The following GRID1 variants were observed in gnomAD, a reference collection of about 807,000 sequenced individuals.
GRID1 encodes the protein glutamate receptor ionotropic, delta-1.
In GRID1, 28 loss-of-function variants were observed where a neutral mutation model predicts 98.0. That is an observed-to-expected ratio of 0.29 (90% CI 0.21 to 0.39). GRID1 has a LOEUF of 0.39. Among genes scored for constraint, GRID1 ranks in the 10% least tolerant of loss-of-function variants. The pLI, the probability that GRID1 is intolerant of heterozygous loss-of-function variation, is 1.00. For missense variants in GRID1, 1,111 were observed against 1,340.5 expected (o/e 0.83, Z 2.67); for synonymous variants, 553 against 538.5 (o/e 1.03, Z -0.37).
intron 3 of GRID1, among the ~76,000 whole-genome samples, chr10:86,181,607 T>C (rs1845656571): frequency 6.6e-6 from 1 of 152,128 alleles, no homozygotes; most frequent in Admixed American, 6.5e-5. Flanking sequence ...TTCCTTGAAG[T>C]ATAGACACTT....
chr10:85,792,902 G>A (rs1382445574), intron 8 of GRID1, among the ~76,000 whole-genome samples: 8 of 152,188 alleles, frequency 5.3e-5, no homozygotes. Context: ...GCACTTGCCT[G>A]TCACAATGAT....
At chr10:85,957,807 G>A (rs547288622) in intron 4 of GRID1, among the ~76,000 whole-genome samples, 1 of 152,302 alleles carries the variant, frequency 6.6e-6, no homozygotes, top group South Asian at 2.1e-4. Flanking sequence ...GGAGAGGAGA[G>A]GTTAATGGAA....
intron 4 of GRID1, among the ~76,000 whole-genome samples, chr10:86,012,178 A>G (rs1020939245): frequency 6.6e-6 from 1 of 152,166 alleles, no homozygotes; most frequent in Non-Finnish European, 1.5e-5. Context: ...CTATAACCAC[A>G]TTCCCAAAAG....
intron 4 of GRID1, among the ~76,000 whole-genome samples, chr10:86,128,085 C>T (rs1007445621): frequency 1.3e-5 from 2 of 152,122 alleles, no homozygotes; most frequent in Admixed American, 6.5e-5. Flanking sequence ...AGGACAATGC[C>T]CCTTCCTCTG....
intron 4 of GRID1, among the ~76,000 whole-genome samples, chr10:85,999,119 C>T (rs779675893): frequency 1.3e-5 from 2 of 150,538 alleles, no homozygotes; most frequent in African/African-American, 4.9e-5. Context: ...GGCTGAGGCA[C>T]GAGAATCAGT....
chr10:85,967,425 A>T (rs2057817997), intron 4 of GRID1, among the ~76,000 whole-genome samples: 1 of 152,216 alleles, frequency 6.6e-6, no homozygotes, highest in Non-Finnish European at 1.5e-5. Context: ...CATATTATCT[A>T]AAGTGTTCAG....
intron 2 of GRID1, among the ~76,000 whole-genome samples, chr10:86,284,478 G>A (rs753783459): frequency 2.0e-5 from 3 of 152,222 alleles, no homozygotes; most frequent in Non-Finnish European, 4.4e-5. Flanking sequence ...AACAAAACCA[G>A]AGCACCAGCT....
chr10:86,243,501 C>A (rs2132043544), intron 2 of GRID1, among the ~76,000 whole-genome samples: 1 of 152,270 alleles, frequency 6.6e-6, no homozygotes, highest in Non-Finnish European at 1.5e-5. Context: ...ACCCTGTGAG[C>A]TAGACAACCC....
chr10:85,747,562 G>T (rs1415762042), intron 8 of GRID1, among the ~76,000 whole-genome samples: 2 of 152,082 alleles, frequency 1.3e-5, no homozygotes, highest in Non-Finnish European at 2.9e-5. Flanking sequence ...TACTATAGAG[G>T]TTTCTCCAAC....
intron 3 of GRID1, among the ~76,000 whole-genome samples, chr10:86,154,245 T>C (rs915389248): frequency 1.3e-5 from 2 of 152,184 alleles, no homozygotes; most frequent in African/African-American, 2.4e-5. Flanking sequence ...CCCCCATTTA[T>C]GGCTTATGAA....
rs148112222 is a variant in GRID1, at chr10:85,602,612, C to A, written c.2691G>T (p.Ser897=). 1.2e-6 allele frequency: 2 copies of A among 1,613,870 alleles called. No homozygotes were observed. The highest frequency in any genetic ancestry group is 4.5e-5 in the East Asian group (2 of 44,864). ...DIAHKQISPA[S]IELSALEMGG... is the part of the protein sequence containing the mutation. ...CCATCTCCAGGGCCGAGAGCTCAATCGACGCTGGGGAAATCTGCTTGTGAG... is the reference window on the plus strand; with the variant it reads ...CCATCTCCAGGGCCGAGAGCTCAATAGACGCTGGGGAAATCTGCTTGTGAG... Residue 897 remains serine (S), a synonymous_variant, in exon 16 of 16, where the codon TCG becomes TCT. Coordinates refer to ENST00000327946, the MANE Select transcript of GRID1 (RefSeq NM_017551.3).
At chr10:86,305,792 G>A (rs1847751801) in intron 2 of GRID1, among the ~76,000 whole-genome samples, 1 of 152,028 alleles carries the variant, frequency 6.6e-6, no homozygotes, top group Non-Finnish European at 1.5e-5. Flanking sequence ...AGAAAGGAGG[G>A]GCTGAGCCTC....
intron 4 of GRID1, among the ~76,000 whole-genome samples, chr10:86,108,276 T>C (rs1049343426): frequency 6.6e-6 from 1 of 152,180 alleles, no homozygotes; most frequent in African/African-American, 2.4e-5. Context: ...CCCACTTCAA[T>C]ATAACCTCTT....
chr10:86,110,027 C>A (rs1035834309), intron 4 of GRID1, among the ~76,000 whole-genome samples: 24 of 147,188 alleles, frequency 1.6e-4, no homozygotes, highest in Non-Finnish European at 3.1e-4. Flanking sequence ...GGCCGGAGTG[C>A]AGTGGAGTGA....
intron 4 of GRID1, among the ~76,000 whole-genome samples, chr10:86,050,017 G>T (rs1451265867): frequency 6.6e-6 from 1 of 152,150 alleles, no homozygotes; most frequent in Non-Finnish European, 1.5e-5. Context: ...CAAAATGTGT[G>T]GCAGGCAAAG....
intron 3 of GRID1, among the ~76,000 whole-genome samples, chr10:86,180,420 G>A (rs927070937): frequency 6.6e-6 from 1 of 152,152 alleles, no homozygotes; most frequent in African/African-American, 2.4e-5. Flanking sequence ...CTCAGAGGTT[G>A]TCCTCAGAGT....
At chr10:85,663,387 C>T (rs1236284782) in intron 12 of GRID1, among the ~76,000 whole-genome samples, 6 of 152,188 alleles carry the variant, frequency 3.9e-5, no homozygotes, top group Admixed American at 1.3e-4. Context: ...CACTGTCAAA[C>T]GCTGGGGGAG....
intron 12 of GRID1, among the ~76,000 whole-genome samples, chr10:85,696,739 T>C (rs942589075): frequency 1.3e-5 from 2 of 152,062 alleles, no homozygotes; most frequent in Non-Finnish European, 2.9e-5. Context: ...CTAAGAATCC[T>C]GAATTTAAGC....
chr10:85,641,065 C>T (rs557323032), intron 13 of GRID1, among the ~76,000 whole-genome samples: 11 of 152,180 alleles, frequency 7.2e-5, no homozygotes, highest in Non-Finnish European at 1.2e-4. Flanking sequence ...AAACTATTAA[C>T]GCTATATTCT....
Sources: allele counts gnomAD v4.1 joint callset (sites outside exome capture counted in the v4.1 genomes callset), GRCh38; gene constraint gnomAD v4.1.1; transcripts MANE v1.5; gene names NCBI Gene and HGNC (gene_info 2026-07-23, HGNC 2026-07-21).